PRSS55: variants seen among roughly 807,000 people sequenced by gnomAD.
PRSS55 encodes serine protease 55.
In PRSS55, 41 loss-of-function variants were observed where a neutral mutation model predicts 23.6. The observed-to-expected ratio is 1.74, with a 90% confidence interval of 1.35 to 2.26. The LOEUF is 2.26. Ranked by LOEUF, PRSS55 falls within the 30% of genes most tolerant of loss-of-function variation. The pLI, the probability that PRSS55 is intolerant of heterozygous loss-of-function variation, is 0.00. For synonymous variants in PRSS55, 262 were observed against 175.5 expected (o/e 1.49, Z -3.90); for missense variants, 669 against 439.1 (o/e 1.52, Z -4.68).
chr8:10,549,612 C>T (rs1336545030), intron 4 of PRSS55, among the ~76,000 whole-genome samples: 2 of 152,140 alleles, frequency 1.3e-5, no homozygotes, highest in Non-Finnish European at 2.9e-5. Context: ...AAACAAGGCC[C>T]CAGGAGCTCA....
At chr8:10,528,793 G>A (rs755831520) in intron 1 of PRSS55, among the ~76,000 whole-genome samples, 13 of 152,218 alleles carry the variant, frequency 8.5e-5, no homozygotes, top group African/African-American at 7.2e-5. Context: ...TGAATTCAGG[G>A]TGCAGCAGGT....
At chr8:10,551,543 C>T (rs1812950868) in intron 4 of PRSS55, among the ~76,000 whole-genome samples, 1 of 152,176 alleles carries the variant, frequency 6.6e-6, no homozygotes, top group Admixed American at 6.5e-5. Flanking sequence ...AGATCGAGGA[C>T]CAGCTTCCCT....
chr8:10,529,604 T>C lies in PRSS55; in HGVS notation c.252T>C (p.Ser84=). 1.2e-6 allele frequency: 2 copies of C among 1,613,858 alleles called. No homozygotes were observed. Among genetic ancestry groups the C allele is most frequent in the Non-Finnish European group, 1.7e-6 (2 of 1,179,944 alleles). The change falls in exon 2 of 5, where the codon AGT becomes AGC. Residue 84 remains serine (S), a synonymous_variant. Transcript: ENST00000328655. ...TGGGTGAGTTTCCGTGGCAGGTGAG[T>C]ATTCAGGCAAGAAGTGAACCTTTCT... ...AEVGEFPWQV[S]IQARSEPFCG...
At chr8:10,531,180 G>A in intron 2 of PRSS55, 115 bp from the exon 3 acceptor site, 1 of 1,266,250 alleles carries the variant, frequency 7.9e-7, no homozygotes, top group Non-Finnish European at 1.1e-6. Context: ...AGCCCCAGTA[G>A]GGTTTAAAGG....
intron 4 of PRSS55, among the ~76,000 whole-genome samples, chr8:10,537,870 G>C (rs1812510629): frequency 6.6e-6 from 1 of 152,140 alleles, no homozygotes; most frequent in Admixed American, 6.6e-5. Context: ...AAGGATGTGG[G>C]GCATTTGTTT....
At chr8:10,554,133 A>G (rs1215062302) in exon 5 of PRSS55, 4 of 673,692 alleles carry the variant, frequency 5.9e-6, no homozygotes, top group Non-Finnish European at 9.3e-6. Context: ...TTCTGTCCAA[A>G]TGACTGAAAA....
In PRSS55 at chr8:10,531,220, G is replaced by A. The variant is rs1003250017; in HGVS notation, c.348-75G>A. 3.2e-6 allele frequency: 5 copies of A among 1,570,126 alleles called. No individual in the cohort carries two copies. In the African/African-American group the frequency reaches 5.4e-5, roughly 17 times the overall value. ...AGAGCTACATGGGATTTAGGTTTCT[G>A]GGCACAGCCAATTCTGCCGCTTTTG... On this transcript the variant is annotated intron_variant, in intron 2 of 4. Transcript: ENST00000328655.
chr8:10,534,421 C>T (rs1394508042), intron 4 of PRSS55, among the ~76,000 whole-genome samples: 1 of 152,168 alleles, frequency 6.6e-6, no homozygotes, highest in Non-Finnish European at 1.5e-5. Context: ...AGTCACCTCT[C>T]AAGGATCATG....
chr8:10,543,415 T>C (rs1812716034), downstream of PRSS55, among the ~76,000 whole-genome samples: 1 of 37,798 alleles, frequency 2.6e-5, no homozygotes, highest in Non-Finnish European at 6.9e-5. Context: ...CTTTCTTTCT[T>C]CTTTCTTTCT....
chr8:10,527,635 G>A (rs766748724), intron 1 of PRSS55, among the ~76,000 whole-genome samples: 1 of 152,246 alleles, frequency 6.6e-6, no homozygotes, highest in Non-Finnish European at 1.5e-5. Context: ...TTCAGGCAGA[G>A]AGCCACATGG....
At chr8:10,531,201 A>C (rs1812244817) in intron 2 of PRSS55, 94 bp from the exon 3 acceptor site, 1 of 1,474,042 alleles carries the variant, frequency 6.8e-7, no homozygotes, top group Non-Finnish European at 9.3e-7. Context: ...TCCTAGAGCT[A>C]CATGGGATTT....
chr8:10,552,041 C>A (rs927854113), intron 4 of PRSS55, among the ~76,000 whole-genome samples: 3 of 152,202 alleles, frequency 2.0e-5, no homozygotes, highest in Non-Finnish European at 4.4e-5. Context: ...GGGGAAAGGG[C>A]ACCGTTTCCT....
intron 4 of PRSS55, among the ~76,000 whole-genome samples, chr8:10,533,640 T>C (rs1461921387): frequency 2.6e-5 from 4 of 152,194 alleles, no homozygotes; most frequent in Non-Finnish European, 5.9e-5. Context: ...ATAAATTTCC[T>C]CTGGCTCAAA....
chr8:10,550,616 G>T (rs74777978), intron 4 of PRSS55, among the ~76,000 whole-genome samples: 1 of 152,140 alleles, frequency 6.6e-6, no homozygotes, highest in South Asian at 2.1e-4. Flanking sequence ...TTCTGAGACC[G>T]ATTGCCTGAA....
In PRSS55 at chr8:10,538,589, C is replaced by T. The variant is rs1376028455; in HGVS notation, c.855C>T (p.Tyr285=). The T allele has an allele frequency of 2.5e-6, 4 of 1,614,030 alleles. No homozygotes were observed. Among genetic ancestry groups the T allele is most frequent in the East Asian group, 2.2e-5 (1 of 44,882 alleles). Residue 285 remains tyrosine (Y), a synonymous_variant, in exon 5 of 5, where the codon TAC becomes TAT. Coordinates refer to ENST00000328655, the MANE Select transcript of PRSS55 (RefSeq NM_198464.4). The part of the protein sequence containing the change: ...SCGEKNTPGI[Y]TSLVNYNLWI... ...GAGAGAAGAACACCCCAGGGATATA[C>T]ACCTCGTTGGTGAACTACAACCTCT...
chr8:10,543,030 C>T (rs1429035637), downstream of PRSS55, among the ~76,000 whole-genome samples: 1 of 152,082 alleles, frequency 6.6e-6, no homozygotes, highest in East Asian at 1.9e-4. Flanking sequence ...CTGATGTCAC[C>T]TTTCTCAAGA....
rs1812829930 is a variant in PRSS55 at position 10,546,826 on chromosome 8, CAGGA to C, written c.742-7116_742-7113del. On this transcript the variant is annotated intron_variant, in intron 4 of 4. Coordinates refer to the PRSS55 transcript ENST00000522210. ...CACCTCCTGAGTAGCTGATTGCACA[CAGGA>C]GTGTGCAATCACACCTAGCTAATTA... Among the ~76,000 whole-genome samples the C allele has an allele frequency of 2.0e-5, 3 of 152,144 alleles. No individual in the cohort carries two copies. In the South Asian group the frequency reaches 6.2e-4, roughly 32 times the overall value.
intron 4 of PRSS55, among the ~76,000 whole-genome samples, chr8:10,551,233 T>G (rs1305393467): frequency 6.6e-6 from 1 of 152,206 alleles, no homozygotes; most frequent in African/African-American, 2.4e-5. Context: ...ACACAGGACT[T>G]CTTACTGATC....
intron 4 of PRSS55, among the ~76,000 whole-genome samples, chr8:10,535,817 G>C (rs1812434092): frequency 6.6e-6 from 1 of 152,170 alleles, no homozygotes; most frequent in African/African-American, 2.4e-5. Flanking sequence ...CTATGCATCT[G>C]ACAAAGGTCT....
Sources: gnomAD v4.1 joint callset for allele counts (sites outside exome capture counted in the v4.1 genomes callset) on GRCh38, gnomAD v4.1.1 for gene constraint, MANE v1.5 for transcripts, NCBI Gene and HGNC (gene_info 2026-07-23, HGNC 2026-07-21) for gene names.